FNDC3B: variants seen among roughly 807,000 people sequenced by gnomAD.
FNDC3B encodes fibronectin type III domain containing 3B.
A neutral mutation model predicts 151.5 loss-of-function variants in FNDC3B; 12 were observed. The observed-to-expected ratio is 0.08, with a 90% CI of 0.05 to 0.13. The LOEUF (loss-of-function observed/expected upper bound fraction) is 0.13, where lower values mean the gene tolerates loss of function less well. FNDC3B is among the 10% of genes least tolerant of loss of function. FNDC3B has a pLI of 1.00. For missense variants in FNDC3B, 1,214 were observed against 1,505.3 expected (o/e 0.81, Z 3.20); for synonymous variants, 528 against 549.0 (o/e 0.96, Z 0.54).
chr3:172,394,868 C>A (rs1736198289), intron 25 of FNDC3B, among the ~76,000 whole-genome samples: 1 of 152,086 alleles, frequency 6.6e-6, no homozygotes, highest in African/African-American at 2.4e-5. Context: ...CCCAATTCAA[C>A]AACACATTAA....
chr3:172,059,058 T>G (rs958383673), intron 1 of FNDC3B, among the ~76,000 whole-genome samples: 4 of 152,228 alleles, frequency 2.6e-5, no homozygotes, highest in African/African-American at 7.2e-5. Flanking sequence ...AACCAACATC[T>G]TCCATAATGT....
intron 11 of FNDC3B, among the ~76,000 whole-genome samples, chr3:172,322,849 A>G (rs181477584): frequency 1.7e-3 from 248 of 149,696 alleles, no homozygotes; most frequent in African/African-American, 5.7e-3. Context: ...TCAAATACCA[A>G]TCTTCTCAGC....
chr3:172,329,158 G>A (rs1380754894), intron 12 of FNDC3B, 82 bp downstream of exon 12: 1 of 1,478,984 alleles, frequency 6.8e-7, no homozygotes, highest in Non-Finnish European at 9.2e-7. Flanking sequence ...GAAGGCATGA[G>A]GAAGCCTGCT....
At chr3:172,342,918 T>G in intron 17 of FNDC3B, 93 bp from the exon 18 acceptor site, 1 of 748,034 alleles carries the variant, frequency 1.3e-6, no homozygotes, top group Non-Finnish European at 2.4e-6. Flanking sequence ...TTCGGTAACA[T>G]TTGCAGTTAT....
intron 1 of FNDC3B, among the ~76,000 whole-genome samples, chr3:172,095,832 GCA>G (rs1719065195): frequency 6.6e-6 from 1 of 151,960 alleles, no homozygotes; most frequent in African/African-American, 2.4e-5. Flanking sequence ...GCCTAGTTTT[GCA>G]CAGAGTATCA....
chr3:172,391,243 A>G (rs1489365668), intron 25 of FNDC3B, among the ~76,000 whole-genome samples: 1 of 152,262 alleles, frequency 6.6e-6, no homozygotes, highest in Non-Finnish European at 1.5e-5. Context: ...AATTCAATAA[A>G]GCAGACATAC....
chr3:172,321,102 T>G (rs1732056909), intron 11 of FNDC3B, among the ~76,000 whole-genome samples: 1 of 152,248 alleles, frequency 6.6e-6, no homozygotes, highest in African/African-American at 2.4e-5. Flanking sequence ...CTCTTGTATG[T>G]TTGTAAACAG....
rs1576873858 is a variant in FNDC3B at position 172,286,038 on chromosome 3, G to A, written c.849+54G>A. ...TGACACTTTTTAAAGTATTTCAAATGTGCTTTTTTTTTTTTTCCACCACAC... is the reference window on the plus strand; with the variant it reads ...TGACACTTTTTAAAGTATTTCAAATATGCTTTTTTTTTTTTTCCACCACAC... On this transcript the variant is annotated intron_variant, in intron 7 of 25. Transcript: ENST00000415807. 9 of 1,372,020 alleles carry A rather than the reference G, an allele frequency of 6.6e-6. No individual in the cohort carries two copies. In the East Asian group the frequency reaches 9.5e-5, roughly 14 times the overall value. 85.0% of individuals were successfully genotyped at this position (1,372,020 alleles called of 1,614,324 possible). A position where few individuals can be genotyped will look rare whatever the true frequency, so the allele number is the denominator to read the frequency against.
intron 1 of FNDC3B, among the ~76,000 whole-genome samples, chr3:172,064,623 C>G (rs771259222): frequency 6.6e-6 from 1 of 152,214 alleles, no homozygotes; most frequent in Non-Finnish European, 1.5e-5. Context: ...ACTTTCATTT[C>G]TTTGAAATGT....
intron 11 of FNDC3B, among the ~76,000 whole-genome samples, chr3:172,317,754 C>G (rs2108265444): frequency 6.6e-6 from 1 of 152,286 alleles, no homozygotes; most frequent in Non-Finnish European, 1.5e-5. Context: ...ACAATTAGAA[C>G]AATCATGTAT....
chr3:172,115,236 G>A (rs1310024643), intron 2 of FNDC3B, among the ~76,000 whole-genome samples: 4 of 152,186 alleles, frequency 2.6e-5, no homozygotes, highest in East Asian at 3.8e-4. Context: ...CTAGGTGTGC[G>A]TGGTAGAGGC....
chr3:172,090,421 A>AAAAC (rs1419258161), intron 1 of FNDC3B, among the ~76,000 whole-genome samples: 1 of 113,276 alleles, frequency 8.8e-6, no homozygotes, highest in African/African-American at 3.0e-5. Context: ...GCTGTGACCA[A>AAAAC]AAATAAACAA....
At chr3:172,066,801 G>A (rs371448862) in intron 1 of FNDC3B, among the ~76,000 whole-genome samples, 1 of 152,164 alleles carries the variant, frequency 6.6e-6, no homozygotes, top group African/African-American at 2.4e-5. Flanking sequence ...TGAGATTCTG[G>A]TCTATACATT....
intron 2 of FNDC3B, among the ~76,000 whole-genome samples, chr3:172,129,900 A>G (rs906548639): frequency 2.6e-5 from 4 of 152,126 alleles, no homozygotes; most frequent in African/African-American, 9.7e-5. Context: ...GTAGACAAAA[A>G]ATGATGTGGT....
At chr3:172,329,617 GA>G (rs1214599531) in intron 12 of FNDC3B, 1 of 152,290 alleles carries the variant, frequency 6.6e-6, no homozygotes, top group African/African-American at 2.4e-5. Context: ...AAGAGGCTTT[GA>G]AAAGGCCATG....
intron 17 of FNDC3B, among the ~76,000 whole-genome samples, chr3:172,342,414 A>G (rs1055216328): frequency 1.3e-5 from 2 of 152,222 alleles, no homozygotes; most frequent in Non-Finnish European, 2.9e-5. Context: ...TCAGGAAGAA[A>G]ACTGAATGTG....
intron 3 of FNDC3B, among the ~76,000 whole-genome samples, chr3:172,199,335 T>A (rs1389303327): frequency 7.9e-5 from 12 of 151,456 alleles, no homozygotes; most frequent in East Asian, 3.9e-4. Flanking sequence ...GCCCGCCACC[T>A]CGCCTGGCTA....
chr3:172,328,124 GAGTGTTTTATTTTTACTTTA>G (rs1262918637), intron 11 of FNDC3B, among the ~76,000 whole-genome samples: 5 of 152,174 alleles, frequency 3.3e-5, no homozygotes, highest in Admixed American at 2.0e-4. Flanking sequence ...GACCCCACTA[GAGTGTTTTATTTTTACTTTA>G]ACGAATTTGA....
chr3:172,185,569 A>G (rs890561799), intron 3 of FNDC3B, among the ~76,000 whole-genome samples: 11 of 152,214 alleles, frequency 7.2e-5, no homozygotes, highest in Non-Finnish European at 1.6e-4. Flanking sequence ...GCAGAGGTCT[A>G]TTTCCTATTG....
Sources: gnomAD v4.1 joint callset for allele counts (sites outside exome capture counted in the v4.1 genomes callset) on GRCh38, gnomAD v4.1.1 for gene constraint, MANE v1.5 for transcripts, NCBI Gene and HGNC (gene_info 2026-07-23, HGNC 2026-07-21) for gene names.